SCAMP5: variants seen among roughly 807,000 people sequenced by gnomAD.
The protein encoded by SCAMP5 is secretory carrier membrane protein 5.
Under a neutral mutation model 28.3 loss-of-function variants are expected in SCAMP5, and 7 were observed. The observed-to-expected ratio is 0.25, with a 90% CI of 0.14 to 0.46. The LOEUF (loss-of-function observed/expected upper bound fraction) is 0.46, where lower values mean the gene tolerates loss of function less well. SCAMP5 is among the 20% of genes least tolerant of loss of function. The pLI, the probability that SCAMP5 is intolerant of heterozygous loss-of-function variation, is 0.99. For missense variants in SCAMP5, 192 were observed against 312.5 expected, an observed-to-expected ratio of 0.61 and a Z score of 2.91; for synonymous variants, 117 against 116.4, an observed-to-expected ratio of 1.00 and a Z score of -0.03.
At chr15:75,015,235 G>A (rs1350852576) in intron 3 of SCAMP5, among the ~76,000 whole-genome samples, 4 of 152,186 alleles carry the variant, frequency 2.6e-5, no homozygotes, top group Non-Finnish European at 5.9e-5. Context: ...TTGAGGCCAC[G>A]GTTGAGCCCT....
intron 1 of SCAMP5, among the ~76,000 whole-genome samples, chr15:74,999,462 T>A (rs1358365387): frequency 6.6e-6 from 1 of 151,794 alleles, no homozygotes; most frequent in Non-Finnish European, 1.5e-5. Flanking sequence ...GGCCCTTTGC[T>A]CATGTAGAGG....
intron 1 of SCAMP5, among the ~76,000 whole-genome samples, chr15:75,009,541 A>T (rs1174341084): frequency 6.7e-6 from 1 of 149,932 alleles, no homozygotes; most frequent in African/African-American, 2.5e-5. Context: ...CAGTGGTGCA[A>T]TCATGGCTCA....
In SCAMP5 at chr15:75,012,824, G is replaced by A. The variant is rs761112195; in HGVS notation, c.136+19G>A. On this transcript the variant is annotated intron_variant, in intron 3 of 6. Transcript: ENST00000425597. ...TGGATGTGTGAGTGCCATGGGATGG[G>A]GGTGGGCCAGGGTGGCTGGAGGAGG... 1.3e-5 allele frequency: 21 copies of A among 1,613,586 alleles called. No homozygotes were observed. The highest frequency in any genetic ancestry group is 2.7e-5 in the African/African-American group (2 of 74,944).
In SCAMP5 at chr15:75,018,764, C is replaced by G; in HGVS notation, c.514-25C>G. The G allele has an allele frequency of 6.4e-7, 1 of 1,573,102 alleles. No individual in the cohort carries two copies. Among genetic ancestry groups the G allele is most frequent in the Non-Finnish European group, 8.7e-7 (1 of 1,147,008 alleles). ...GGCTGCCTTTTCTCTTTGATTAACC[C>G]TTCTTTACGCTCTTTTTCCTACAGG... is the stretch of plus-strand genomic sequence containing the variant. On this transcript the variant is annotated intron_variant, in intron 6 of 6. Transcript: ENST00000425597. The surrounding 1 kb of genome is among the most constrained non-coding windows in gnomAD (Gnocchi z 5.6).
chr15:75,016,804 C>T, intron 4 of SCAMP5, 55 bp downstream of exon 4: 1 of 1,405,976 alleles, frequency 7.1e-7, no homozygotes, highest in Non-Finnish European at 9.7e-7. Flanking sequence ...TCTCCCCTGT[C>T]TCTTCTCCAT....
In SCAMP5 at chr15:75,018,680, T is replaced by C; in HGVS notation, c.514-109T>C. The C allele has an allele frequency of 9.7e-7, 1 of 1,035,216 alleles. No individual in the cohort carries two copies. Among genetic ancestry groups the C allele is most frequent in the South Asian group, 1.3e-5 (1 of 75,430 alleles). 64.1% of individuals were successfully genotyped at this position (1,035,216 alleles called of 1,614,324 possible). The stretch of plus-strand genomic sequence containing the variant: ...CCTGCAGGACTCTCCTACAGAGGCA[T>C]TCATGGGGAGGGAGCACTGTTTTTT... On this transcript the variant is annotated intron_variant, in intron 6 of 6. Coordinates refer to ENST00000425597, the MANE Select transcript of SCAMP5 (RefSeq NM_138967.4). This position sits in a 1 kb window ranked among gnomAD's most constrained non-coding sequence, Gnocchi z 5.6.
chr15:75,017,525 A>C, intron 4 of SCAMP5: 2 of 492,162 alleles, frequency 4.1e-6, no homozygotes, highest in Non-Finnish European at 7.1e-6. Flanking sequence ...GTACCAGTGG[A>C]GCTAGCTGTC....
At position 75,019,537 on chromosome 15, in the gene SCAMP5, C is replaced by T. The variant is rs2065888609; in HGVS notation, c.*554C>T. ...GGATATTCCCTTGCTCTTTTGATCC[C>T]TCCAGGCCTCGCCTCCTTCAGCCTC... On this transcript the variant is annotated 3_prime_UTR_variant, in exon 7 of 7. Transcript: ENST00000425597. 1 of 153,346 alleles carries T rather than the reference C, an allele frequency of 6.5e-6. No homozygotes were observed. 9.5% of individuals were successfully genotyped at this position (153,346 alleles called of 1,614,324 possible). A position where few individuals can be genotyped will look rare whatever the true frequency, so the allele number is the denominator to read the frequency against.
At chr15:75,010,353 G>A (rs952415004) in intron 1 of SCAMP5, among the ~76,000 whole-genome samples, 2 of 152,084 alleles carry the variant, frequency 1.3e-5, no homozygotes, top group African/African-American at 4.8e-5. Flanking sequence ...CCATCCACTC[G>A]GGGTTAAGTG....
rs9161 is a variant in SCAMP5 at position 75,021,292 on chromosome 15, G to A, written c.*2309G>A. On this transcript the variant is annotated 3_prime_UTR_variant, in exon 7 of 7. Transcript: ENST00000425597. ...GCAGGGCACACATTCATCTTTGTAG[G>A]AAGGTCTGGCCTGGGGTCGGGTGAA... 998 of 152,386 alleles carry A rather than the reference G, an allele frequency of 6.5e-3. 2 individuals carry two copies. Among genetic ancestry groups the A allele is most frequent in the Non-Finnish European group, 0.012 (831 of 68,136 alleles). 9.4% of individuals were successfully genotyped at this position (152,386 alleles called of 1,614,324 possible).
intron 1 of SCAMP5, among the ~76,000 whole-genome samples, chr15:75,008,436 T>G (rs1425385560): frequency 2.0e-5 from 3 of 147,842 alleles, no homozygotes; most frequent in African/African-American, 7.4e-5. Context: ...GTGCTCTGCT[T>G]TTTTTTTTTT....
At chr15:75,016,535 G>A in intron 3 of SCAMP5, 58 bp from the exon 4 acceptor site, 2 of 1,535,438 alleles carry the variant, frequency 1.3e-6, no homozygotes, top group Middle Eastern at 2.2e-4. Context: ...GTGCTCATGT[G>A]TCTCTCTATG....
chr15:74,996,995 T>G lies in SCAMP5; in HGVS notation c.-49+1322T>G, dbSNP rs553214613. Reference sequence around the variant, plus strand: ...AGACCTTGGGCTCTGTGGCTGTTTCTTTAACCGTTTCCTGAGTGGCCACCT... The same window carrying G: ...AGACCTTGGGCTCTGTGGCTGTTTCGTTAACCGTTTCCTGAGTGGCCACCT... On this transcript the variant is annotated intron_variant, in intron 1 of 6. Coordinates refer to ENST00000425597, the MANE Select transcript of SCAMP5 (RefSeq NM_138967.4). This position sits in a 1 kb window ranked among gnomAD's most constrained non-coding sequence, Gnocchi z 4.1. Among the ~76,000 whole-genome samples the G allele has an allele frequency of 4.6e-5, 7 of 152,234 alleles. No individual in the cohort carries two copies. The highest frequency in any genetic ancestry group is 1.7e-4 in the African/African-American group (7 of 41,538).
intron 3 of SCAMP5, among the ~76,000 whole-genome samples, chr15:75,015,454 G>GGC (rs1567030412): frequency 6.7e-6 from 1 of 149,918 alleles, no homozygotes; most frequent in African/African-American, 2.4e-5. Context: ...GGGGACAGAG[G>GGC]GGGGGGGGCC....
chr15:75,004,586 T>G (rs1251886068), intron 1 of SCAMP5, among the ~76,000 whole-genome samples: 1 of 151,874 alleles, frequency 6.6e-6, no homozygotes, highest in African/African-American at 2.4e-5. Flanking sequence ...AAAAATTAGC[T>G]GGGCATGATG....
At chr15:75,011,750 T>A (rs1395833017) in intron 1 of SCAMP5, 42 bp from the exon 2 acceptor site, 12 of 1,138,992 alleles carry the variant, frequency 1.1e-5, no homozygotes, top group Non-Finnish European at 1.6e-5. Context: ...GGGTTGGGTG[T>A]GGCCCTGATC....
chr15:75,016,236 C>T (rs1368955642), intron 3 of SCAMP5, among the ~76,000 whole-genome samples: 2 of 152,034 alleles, frequency 1.3e-5, no homozygotes, highest in Non-Finnish European at 2.9e-5. Flanking sequence ...TGGGCAGAAG[C>T]TCTGGGTTCT....
At chr15:75,003,015 C>G (rs2065723774) in intron 1 of SCAMP5, among the ~76,000 whole-genome samples, 1 of 152,208 alleles carries the variant, frequency 6.6e-6, no homozygotes. Flanking sequence ...ACTGCAACCT[C>G]TGCCTCCTGG....
chr15:75,018,624 G>C lies in SCAMP5; in HGVS notation c.513+89G>C, dbSNP rs142494837. 8.9e-7 allele frequency: 1 copy of C among 1,119,080 alleles called. No homozygotes were observed. Among genetic ancestry groups the C allele is most frequent in the Admixed American group, 1.7e-5 (1 of 59,022 alleles). The allele number at this position is 1,119,080 out of a possible 1,614,324, so 69.3% of individuals were successfully genotyped here. On this transcript the variant is annotated intron_variant, in intron 6 of 6. Transcript: ENST00000425597. This position sits in a 1 kb window ranked among gnomAD's most constrained non-coding sequence, Gnocchi z 5.6. Reference sequence around the variant, plus strand: ...CTCCTCCAAGTTGCAAGAGGATCCCGAGGTCTTCCAAGGGACTCACTCTGG... The same window carrying C: ...CTCCTCCAAGTTGCAAGAGGATCCCCAGGTCTTCCAAGGGACTCACTCTGG...
Sources: gnomAD v4.1 joint callset for allele counts (sites outside exome capture counted in the v4.1 genomes callset) on GRCh38, gnomAD v4.1.1 for gene constraint, Gnocchi (gnomAD v3.1) non-coding constraint, MANE v1.5 for transcripts, NCBI Gene and HGNC (gene_info 2026-07-23, HGNC 2026-07-21) for gene names.